Variants in DOK6 observed in about 807,000 individuals in gnomAD.
The protein encoded by DOK6 is docking protein 6.
Under a neutral mutation model 44.0 loss-of-function variants are expected in DOK6, and 22 were observed. The ratio of observed to expected loss-of-function variants is 0.50; its 90% CI spans 0.36 to 0.71. The LOEUF is 0.71. DOK6 is among the 30% of genes least tolerant of loss of function. The probability of loss-of-function intolerance (pLI) is 0.00; values close to 1 mark genes in which losing one functional copy is unlikely to be tolerated. For missense variants in DOK6, 340 were observed against 416.4 expected (o/e 0.82, Z 1.60); for synonymous variants, 166 against 145.5 (o/e 1.14, Z -1.01).
At chr18:69,819,944 A>G (rs968747616) in intron 7 of DOK6, among the ~76,000 whole-genome samples, 1 of 152,154 alleles carries the variant, frequency 6.6e-6, no homozygotes. Context: ...GTTTACAAAA[A>G]TTGCAAAAAA....
intron 1 of DOK6, among the ~76,000 whole-genome samples, chr18:69,506,978 A>G (rs1401372577): frequency 6.6e-6 from 1 of 151,796 alleles, no homozygotes; most frequent in Non-Finnish European, 1.5e-5. Context: ...CTATATATCC[A>G]TTCTTTTGTC....
chr18:69,757,518 A>G (rs1979394318), intron 6 of DOK6, among the ~76,000 whole-genome samples: 1 of 152,200 alleles, frequency 6.6e-6, no homozygotes, highest in African/African-American at 2.4e-5. Context: ...AAGTCATTGG[A>G]ATCATTCGTA....
In DOK6 at chr18:69,673,230, G is replaced by A. The variant is rs866709711; in HGVS notation, c.290-4504G>A. 1.1e-4 allele frequency among the ~76,000 whole-genome samples: 16 copies of A among 150,266 alleles called. No individual in the cohort carries two copies. The East Asian group carries it at 2.0e-3, about 19-fold the overall frequency. ...TGGGCTGATAGCATATTTTCTGTGT[G>A]TATATATATATATATGATGAAAACT... On this transcript the variant is annotated intron_variant, in intron 3 of 7. Coordinates refer to ENST00000382713, the MANE Select transcript of DOK6 (RefSeq NM_152721.6).
At chr18:69,785,372 C>G (rs1217471404) in intron 7 of DOK6, among the ~76,000 whole-genome samples, 1 of 152,060 alleles carries the variant, frequency 6.6e-6, no homozygotes, top group Non-Finnish European at 1.5e-5. Flanking sequence ...CCTGTTTTGC[C>G]CAGACATCTG....
At chr18:69,840,004 G>T (rs1982169946) in intron 7 of DOK6, among the ~76,000 whole-genome samples, 1 of 152,198 alleles carries the variant, frequency 6.6e-6, no homozygotes, top group Admixed American at 6.5e-5. Flanking sequence ...GTGGTTAAGT[G>T]GTTCCGTTCT....
At chr18:69,622,394 G>A (rs1410482190) in intron 3 of DOK6, among the ~76,000 whole-genome samples, 1 of 152,166 alleles carries the variant, frequency 6.6e-6, no homozygotes, top group Non-Finnish European at 1.5e-5. Flanking sequence ...TATTTCTTGG[G>A]CAGAATATGT....
At chr18:69,712,424 G>C (rs981528833) in intron 5 of DOK6, among the ~76,000 whole-genome samples, 23 of 151,078 alleles carry the variant, frequency 1.5e-4, no homozygotes, top group African/African-American at 5.6e-4. Flanking sequence ...TATTTTGAAG[G>C]GTGCAATTTA....
intron 1 of DOK6, among the ~76,000 whole-genome samples, chr18:69,556,476 A>AG (rs1192497299): frequency 6.6e-6 from 1 of 152,184 alleles, no homozygotes; most frequent in Non-Finnish European, 1.5e-5. Context: ...TAGCAAAAAA[A>AG]AATTAAAATA....
At chr18:69,701,219 G>A (rs1986512384) in intron 5 of DOK6, among the ~76,000 whole-genome samples, 1 of 152,146 alleles carries the variant, frequency 6.6e-6, no homozygotes, top group Non-Finnish European at 1.5e-5. Flanking sequence ...ACCTAGTGTG[G>A]GGCAGAAGGA....
chr18:69,790,265 G>T (rs28562572), intron 7 of DOK6, among the ~76,000 whole-genome samples: 1 of 149,462 alleles, frequency 6.7e-6, no homozygotes, highest in African/African-American at 2.5e-5. Flanking sequence ...GGGGCCTGTC[G>T]GGGGGTGGGG....
intron 3 of DOK6, among the ~76,000 whole-genome samples, chr18:69,629,685 G>T (rs756355195): frequency 2.6e-5 from 4 of 152,138 alleles, no homozygotes; most frequent in Non-Finnish European, 1.5e-5. Flanking sequence ...CACCCTGAAG[G>T]ACTGACTCCT....
At chr18:69,418,528 C>T (rs1294312483) in intron 1 of DOK6, among the ~76,000 whole-genome samples, 2 of 152,064 alleles carry the variant, frequency 1.3e-5, no homozygotes, top group African/African-American at 4.8e-5. Context: ...TGAGTGGGAT[C>T]ATGGTTTACT....
intron 1 of DOK6, among the ~76,000 whole-genome samples, chr18:69,417,998 C>A (rs532283544): frequency 6.6e-6 from 1 of 152,144 alleles, no homozygotes; most frequent in Admixed American, 6.5e-5. Context: ...TTTTTCCTAT[C>A]GTGTAGGTTT....
intron 1 of DOK6, among the ~76,000 whole-genome samples, chr18:69,507,807 T>C (rs1981237551): frequency 6.6e-6 from 1 of 152,176 alleles, no homozygotes; most frequent in African/African-American, 2.4e-5. Flanking sequence ...TAAAATCCTA[T>C]GTCTTCCTTT....
At chr18:69,529,487 G>A (rs17187309) in intron 1 of DOK6, among the ~76,000 whole-genome samples, 4,580 of 152,186 alleles carry the variant, frequency 0.03, 84 homozygotes, top group Middle Eastern at 0.048. Flanking sequence ...TGTTTATTTA[G>A]TGCACTGTGC....
intron 7 of DOK6, among the ~76,000 whole-genome samples, chr18:69,817,965 A>C (rs1981450058): frequency 6.6e-6 from 1 of 152,210 alleles, no homozygotes; most frequent in Admixed American, 6.5e-5. Flanking sequence ...AAAAATCAAA[A>C]TTCTGAGGTT....
chr18:69,417,600 A>G (rs1439506768), intron 1 of DOK6, among the ~76,000 whole-genome samples: 2 of 152,128 alleles, frequency 1.3e-5, no homozygotes, highest in Non-Finnish European at 2.9e-5. Flanking sequence ...TTGCTGGATC[A>G]TATGGCAATT....
intron 1 of DOK6, among the ~76,000 whole-genome samples, chr18:69,411,070 G>C (rs561186185): frequency 6.6e-6 from 1 of 152,240 alleles, no homozygotes; most frequent in Non-Finnish European, 1.5e-5. Context: ...GCAATATATA[G>C]CACATACCTC....
intron 7 of DOK6, among the ~76,000 whole-genome samples, chr18:69,836,015 A>G (rs1187642229): frequency 6.6e-5 from 10 of 152,228 alleles, no homozygotes; most frequent in Non-Finnish European, 1.5e-4. Context: ...GACTAGCCAA[A>G]AGGGAACCCT....
Sources: allele counts gnomAD v4.1 joint callset (sites outside exome capture counted in the v4.1 genomes callset), GRCh38; gene constraint gnomAD v4.1.1; transcripts MANE v1.5; gene names NCBI Gene and HGNC (gene_info 2026-07-23, HGNC 2026-07-21).